CFAP221: variants seen among roughly 807,000 people sequenced by gnomAD.
CFAP221 encodes the protein cilia and flagella associated protein 221.
A neutral mutation model predicts 113.1 loss-of-function variants in CFAP221; 97 were observed. The observed-to-expected ratio is 0.86, with a 90% CI of 0.73 to 1.02. The LOEUF (loss-of-function observed/expected upper bound fraction) is 1.02. Ranked by LOEUF, CFAP221 falls within the 50% of genes least tolerant of loss-of-function variation. The probability of loss-of-function intolerance (pLI) is 0.00; values close to 1 mark genes in which losing one functional copy is unlikely to be tolerated. For synonymous variants in CFAP221, 331 were observed against 354.4 expected (o/e 0.93, Z 0.74); for missense variants, 1,025 against 1,013.4 (o/e 1.01, Z -0.16).
chr2:119,549,333 A>T, intron 3 of CFAP221, 148 bp downstream of exon 3: 2 of 632,334 alleles, frequency 3.2e-6, no homozygotes, highest in East Asian at 6.1e-5. Context: ...ATGATGAGAA[A>T]CTTTAAGGTT....
chr2:119,546,051 A>C (rs1680029879), intron 1 of CFAP221, 34 bp from the exon 2 acceptor site: 4 of 1,395,746 alleles, frequency 2.9e-6, no homozygotes, highest in Non-Finnish European at 1.9e-6. Context: ...GTGGTTTCTC[A>C]TGGATGATTA....
intron 21 of CFAP221, among the ~76,000 whole-genome samples, chr2:119,644,805 A>G (rs926263902): frequency 6.6e-6 from 1 of 152,174 alleles, no homozygotes; most frequent in Non-Finnish European, 1.5e-5. Context: ...GTTCCAGTCC[A>G]TATCCATAGA....
chr2:119,592,397 TG>T (rs1683658280), intron 7 of CFAP221, among the ~76,000 whole-genome samples: 1 of 152,224 alleles, frequency 6.6e-6, no homozygotes, highest in Middle Eastern at 3.2e-3. Flanking sequence ...CACCTTCAGC[TG>T]GAATCTTGGC....
At chr2:119,628,027 A>G (rs1280018184) in intron 16 of CFAP221, among the ~76,000 whole-genome samples, 2 of 152,148 alleles carry the variant, frequency 1.3e-5, no homozygotes, top group Non-Finnish European at 2.9e-5. Context: ...CCTGAAATGC[A>G]GCATGAGCAC....
intron 6 of CFAP221, among the ~76,000 whole-genome samples, chr2:119,567,471 A>G (rs1263061169): frequency 2.0e-5 from 3 of 152,332 alleles, no homozygotes; most frequent in East Asian, 1.9e-4. Flanking sequence ...TCAGTGCTGT[A>G]TAATATTCCA....
intron 3 of CFAP221, among the ~76,000 whole-genome samples, chr2:119,551,352 A>G (rs933811987): frequency 1.8e-4 from 27 of 152,332 alleles, no homozygotes; most frequent in Admixed American, 3.3e-4. Flanking sequence ...ACAACTAACA[A>G]AGTCATAAAG....
At position 119,607,208 on chromosome 2, in the gene CFAP221, G is replaced by A. The variant is rs181365708; in HGVS notation, c.1134-1294G>A. Among the ~76,000 whole-genome samples the A allele has an allele frequency of 2.5e-3, 388 of 152,248 alleles. 2 individuals carry two copies. The highest frequency in any genetic ancestry group is 9.0e-3 in the African/African-American group (372 of 41,550). On this transcript the variant is annotated intron_variant, in intron 11 of 23. Coordinates refer to ENST00000413369, the MANE Select transcript of CFAP221 (RefSeq NM_001271049.2). ...GGGTTTTGCCACATTGCCCAGGCTG[G>A]TCTCGAACTCCTGACCTCAAGCAAT...
rs1247335797 is a variant in CFAP221 at position 119,557,954 on chromosome 2, G to A, written c.241-1735G>A. ...AGCCTGGGCAACAGAGCAAGACTCC[G>A]TCTCAAAAAAAAAAAAAAAAAAAGC... On this transcript the variant is annotated intron_variant, in intron 3 of 23. Coordinates refer to ENST00000413369, the MANE Select transcript of CFAP221 (RefSeq NM_001271049.2). Among the ~76,000 whole-genome samples, 20 of 104,958 alleles carry A rather than the reference G, an allele frequency of 1.9e-4. 1 individual carries two copies. Among genetic ancestry groups the A allele is most frequent in the Admixed American group, 9.6e-4 (9 of 9,346 alleles). 68.9% of individuals were successfully genotyped at this position (104,958 alleles called of 152,430 possible).
At chr2:119,615,551 G>A in intron 13 of CFAP221, 60 bp from the exon 14 acceptor site, 9 of 1,197,406 alleles carry the variant, frequency 7.5e-6, no homozygotes, top group Non-Finnish European at 1.1e-5. Context: ...GTTTTTATTA[G>A]ATGTTTATGA....
chr2:119,565,760 A>C (rs1681579045), intron 6 of CFAP221, among the ~76,000 whole-genome samples: 1 of 152,246 alleles, frequency 6.6e-6, no homozygotes, highest in African/African-American at 2.4e-5. Flanking sequence ...GTAATGGCTT[A>C]TAATCAACTT....
At chr2:119,581,904 A>T (rs935946022) in intron 6 of CFAP221, among the ~76,000 whole-genome samples, 1 of 152,030 alleles carries the variant, frequency 6.6e-6, no homozygotes, top group African/African-American at 2.4e-5. Context: ...ATCTCTATAA[A>T]AAATAAATAA....
At chr2:119,608,283 G>GAATAACAAC (rs1684910432) in intron 11 of CFAP221, among the ~76,000 whole-genome samples, 1 of 152,138 alleles carries the variant, frequency 6.6e-6, no homozygotes, top group Non-Finnish European at 1.5e-5. Flanking sequence ...TCCAGATGTT[G>GAATAACAAC]TTATTCATAA....
At chr2:119,590,061 C>G (rs2104625965) in intron 7 of CFAP221, 1 of 152,236 alleles carries the variant, frequency 6.6e-6, no homozygotes, top group Non-Finnish European at 1.5e-5. Context: ...ATTTTGTGAT[C>G]CTGGACATTC....
chr2:119,588,323 G>A (rs1195459271), intron 7 of CFAP221, among the ~76,000 whole-genome samples: 1 of 152,148 alleles, frequency 6.6e-6, no homozygotes. Flanking sequence ...GTACAGACAG[G>A]AGTCCAGGAA....
At chr2:119,559,236 G>C (rs190667455) in intron 3 of CFAP221, among the ~76,000 whole-genome samples, 2 of 152,146 alleles carry the variant, frequency 1.3e-5, no homozygotes, top group African/African-American at 4.8e-5. Context: ...TCTTAGTCAC[G>C]TTCTTTTTCC....
intron 16 of CFAP221, among the ~76,000 whole-genome samples, chr2:119,628,865 G>A (rs764207002): frequency 7.2e-5 from 11 of 152,138 alleles, no homozygotes; most frequent in Non-Finnish European, 1.6e-4. Context: ...TAATTAATGG[G>A]GTGAAGAGGT....
chr2:119,601,685 T>A (rs1684377540), intron 8 of CFAP221: 1 of 227,464 alleles, frequency 4.4e-6, no homozygotes, highest in Non-Finnish European at 8.5e-6. Flanking sequence ...TATTGCCTAG[T>A]CGAAAATTTA....
downstream of CFAP221, among the ~76,000 whole-genome samples, chr2:119,659,114 A>G (rs1355592260): frequency 6.6e-6 from 1 of 152,050 alleles, no homozygotes; most frequent in Non-Finnish European, 1.5e-5. Context: ...TTTCCCCTAC[A>G]GTGAGCAGCT....
chr2:119,621,784 G>A (rs942904379), intron 14 of CFAP221, among the ~76,000 whole-genome samples: 6 of 152,192 alleles, frequency 3.9e-5, no homozygotes, highest in African/African-American at 1.4e-4. Context: ...GCTCCTGAAT[G>A]ACTCTGGGTA....
Sources: gnomAD v4.1 joint callset for allele counts (sites outside exome capture counted in the v4.1 genomes callset) on GRCh38, gnomAD v4.1.1 for gene constraint, MANE v1.5 for transcripts, NCBI Gene and HGNC (gene_info 2026-07-23, HGNC 2026-07-21) for gene names.